ZNF800: variants seen among roughly 807,000 people sequenced by gnomAD.
ZNF800 encodes zinc finger protein 800.
Under a neutral mutation model 59.5 loss-of-function variants are expected in ZNF800, and 13 were observed. That is an observed-to-expected ratio of 0.22 (90% confidence interval 0.14 to 0.35). ZNF800 has a LOEUF of 0.35. Ranked by LOEUF, ZNF800 falls within the 10% of genes least tolerant of loss-of-function variation. ZNF800 has a pLI of 1.00. For synonymous variants in ZNF800, 266 were observed against 265.7 expected (o/e 1.00, Z -0.01); for missense variants, 621 against 783.7 (o/e 0.79, Z 2.48).
At chr7:127,372,689 AAC>A (rs965037523) in intron 5 of ZNF800, 1 of 985,128 alleles carries the variant, frequency 1.0e-6, no homozygotes. Context: ...AACAGTAACT[AAC>A]ACACACTCCC....
chr7:127,363,600 A>C (rs1025850623), intron 1 of ZNF800: 2 of 151,978 alleles, frequency 1.3e-5, no homozygotes, highest in African/African-American at 4.8e-5. Flanking sequence ...ACGGGGCACC[A>C]CAGAGACACA....
In ZNF800 at chr7:127,374,764, A is replaced by G; in HGVS notation, c.572T>C (p.Val191Ala). 1.9e-6 allele frequency: 3 copies of G among 1,613,908 alleles called. No individual in the cohort carries two copies. The highest frequency in any genetic ancestry group is 2.5e-6 in the Non-Finnish European group (3 of 1,179,916). The change falls in exon 5 of 6, where the codon GTA (valine) becomes GCA (alanine). Residue 191 changes from valine to alanine, a missense_variant. Physicochemically the swap from Val to Ala is moderately conservative, Grantham distance 64 (BLOSUM62 0). Around this residue, in one of 7 missense-constraint regions of ZNF800, gnomAD observed 218 missense variants for 230.8 expected, o/e 0.94. Coordinates refer to ENST00000265827, the MANE Select transcript of ZNF800 (RefSeq NM_176814.5). ...AACAATCTCAACAGGAGGGGGCTCT[A>G]CAGTTTCCACCTCTGTATCTGTAAC... ...VPVTDTEVETVEPPPVEIVTD... is the reference protein window; with the variant it reads ...VPVTDTEVETAEPPPVEIVTD...
chr7:127,350,455 T>C (rs1161717953), intron 1 of ZNF800: 1 of 152,238 alleles, frequency 6.6e-6, no homozygotes, highest in East Asian at 1.9e-4. Context: ...ATACTTCATC[T>C]TTGATAACCC....
rs894358473 is a variant in ZNF800 at position 127,381,837 on chromosome 7, C to T, written c.157+4223G>A. Among the ~76,000 whole-genome samples, 6 of 152,128 alleles carry T rather than the reference C, an allele frequency of 3.9e-5. No homozygotes were observed. In the South Asian group the frequency reaches 1.2e-3, roughly 32 times the overall value. ...TCTCCTATGTACCTCAGAAAAATCA[C>T]GTCCACCCTACGCTTTGCCTTCAGA... On this transcript the variant is annotated intron_variant, in intron 3 of 5. Coordinates refer to ENST00000265827, the MANE Select transcript of ZNF800 (RefSeq NM_176814.5).
intron 1 of ZNF800, among the ~76,000 whole-genome samples, chr7:127,358,987 A>G (rs1381199379): frequency 6.6e-6 from 1 of 152,156 alleles, no homozygotes; most frequent in East Asian, 1.9e-4. Flanking sequence ...GTATTTTTAA[A>G]TAATTTCTTT....
chr7:127,360,613 A>T (rs1192176325), intron 1 of ZNF800: 5 of 152,082 alleles, frequency 3.3e-5, no homozygotes, highest in Non-Finnish European at 5.9e-5. Flanking sequence ...TCACTAGCAC[A>T]TAATACTGCT....
chr7:127,370,991 T>C lies in ZNF800; in HGVS notation c.*823A>G, dbSNP rs986742225. ...ATGGATTGTCTGCATCCATAAAATA[T>C]CAGTAAGCTATTTATTACCTTCATA... On this transcript the variant is annotated 3_prime_UTR_variant, in exon 6 of 6. Coordinates refer to ENST00000265827, the MANE Select transcript of ZNF800 (RefSeq NM_176814.5). 6.6e-6 allele frequency: 1 copy of C among 152,596 alleles called. No individual in the cohort carries two copies. The highest frequency in any genetic ancestry group is 2.4e-5 in the African/African-American group (1 of 41,446). 9.5% of individuals were successfully genotyped at this position (152,596 alleles called of 1,614,324 possible).
chr7:127,377,115 G>A lies in ZNF800; in HGVS notation c.301+71C>T. On this transcript the variant is annotated intron_variant, in intron 4 of 5. Transcript: ENST00000265827. This position sits in a 1 kb window ranked among gnomAD's most constrained non-coding sequence, Gnocchi z 4.7. Reference sequence around the variant, plus strand: ...ATCAGTAACTAGATACAATTTTAATGCAAATGTATACTTGCAGTATAAGAA... The same window carrying A: ...ATCAGTAACTAGATACAATTTTAATACAAATGTATACTTGCAGTATAAGAA... 7.5e-7 allele frequency: 1 copy of A among 1,334,510 alleles called. No homozygotes were observed. Among genetic ancestry groups the A allele is most frequent in the Non-Finnish European group, 1.0e-6 (1 of 986,290 alleles). The allele number at this position is 1,334,510 out of a possible 1,614,324, so 82.7% of individuals were successfully genotyped here. A position where few individuals can be genotyped will look rare whatever the true frequency, so the allele number is the denominator to read the frequency against.
intron 5 of ZNF800, chr7:127,372,969 TAA>T: frequency 1.0e-6 from 1 of 985,210 alleles, no homozygotes; most frequent in Non-Finnish European, 1.2e-6. Context: ...ATTAGTAGAC[TAA>T]GTCACTGAAT....
At chr7:127,346,311 C>A (rs1800062717), downstream of ZNF800, among the ~76,000 whole-genome samples, 1 of 152,116 alleles carries the variant, frequency 6.6e-6, no homozygotes, top group South Asian at 2.1e-4. Context: ...ACAGTAGGAA[C>A]AACAGCACCA....
intron 3 of ZNF800, among the ~76,000 whole-genome samples, chr7:127,379,852 A>ACCCCCCCCCCCCCCCCCCCCC (rs1562907479): frequency 6.2e-5 from 1 of 16,164 alleles, no homozygotes. Context: ...CCACCCCCCC[A>ACCCCCCCCCCCCCCCCCCCCC]CCCCCCCCAC....
chr7:127,389,521 G>A (rs942236659), intron 2 of ZNF800, among the ~76,000 whole-genome samples: 5 of 152,056 alleles, frequency 3.3e-5, no homozygotes, highest in Non-Finnish European at 7.4e-5. Flanking sequence ...CTGTGGACAT[G>A]ATCTTTTAAA....
chr7:127,343,317 T>C (rs537971283), downstream of ZNF800, among the ~76,000 whole-genome samples: 4 of 150,840 alleles, frequency 2.7e-5, no homozygotes, highest in Admixed American at 6.6e-5. Context: ...GCAAGTCTAA[T>C]AAAAGAAAGG....
At chr7:127,373,085 C>A in intron 5 of ZNF800, 1 of 985,428 alleles carries the variant, frequency 1.0e-6, no homozygotes, top group Non-Finnish European at 1.2e-6. Context: ...AGCACTGACC[C>A]TGTGCCATCT....
Position 127,361,739 on chromosome 7 carries a change from T to C in ZNF800, n.224+11603A>G, listed in dbSNP as rs571937261. 129 of 152,248 alleles carry C rather than the reference T, an allele frequency of 8.5e-4. 1 individual carries two copies. The highest frequency in any genetic ancestry group is 2.3e-3 in the African/African-American group (95 of 41,562). The allele number at this position is 152,248 out of a possible 1,614,324, so 9.4% of individuals were successfully genotyped here. A position where few individuals can be genotyped will look rare whatever the true frequency, so the allele number is the denominator to read the frequency against. ...CTGAATAAATGAGTGAATGGAATTATATGTAAAGAAATTTAAAAGTCCAAT... is the reference window on the plus strand; with the variant it reads ...CTGAATAAATGAGTGAATGGAATTACATGTAAAGAAATTTAAAAGTCCAAT... On this transcript the variant is annotated intron_variant and non_coding_transcript_variant, in intron 1 of 1. Transcript: ENST00000485577.
chr7:127,354,120 G>A (rs370894028), intron 1 of ZNF800, among the ~76,000 whole-genome samples: 148 of 152,232 alleles, frequency 9.7e-4, no homozygotes, highest in Non-Finnish European at 1.9e-3. Context: ...GAAGGTAAAT[G>A]ATTTCCCTGA....
chr7:127,374,035 G>A lies in ZNF800; in HGVS notation c.1301C>T (p.Thr434Ile). The A allele has an allele frequency of 6.2e-7, 1 of 1,613,892 alleles. No homozygotes were observed. Among genetic ancestry groups the A allele is most frequent in the Non-Finnish European group, 8.5e-7 (1 of 1,179,980 alleles). Residue 434 changes from threonine (T) to isoleucine (I), a missense_variant, in exon 5 of 6, where the codon ACA (threonine) becomes ATA (isoleucine). Physicochemically the swap from Thr to Ile is moderately conservative, Grantham distance 89. This residue lies in a region of ZNF800 where 185 missense variants were observed against 177.6 expected (regional missense o/e 1.04). Coordinates refer to ENST00000265827, the MANE Select transcript of ZNF800 (RefSeq NM_176814.5). The part of the protein sequence containing the change: ...THSPQNELKG[T>I]NHSNEKKNTP... ...GTTCTTTTTTTCATTTGAATGATTT[G>A]TTCCCTTTAATTCATTCTGTGGAGA...
At chr7:127,348,435 A>C (rs1800111771) in intron 1 of ZNF800, among the ~76,000 whole-genome samples, 1 of 150,750 alleles carries the variant, frequency 6.6e-6, no homozygotes, top group African/African-American at 2.4e-5. Flanking sequence ...AAATGGCAAA[A>C]AAAAAAAAAA....
chr7:127,378,135 T>C (rs1800840381), intron 3 of ZNF800, among the ~76,000 whole-genome samples: 1 of 152,136 alleles, frequency 6.6e-6, no homozygotes, highest in South Asian at 2.1e-4. Flanking sequence ...CTATCTTATT[T>C]ACAAGTGTAA....
Sources: allele counts gnomAD v4.1 joint callset (sites outside exome capture counted in the v4.1 genomes callset), GRCh38; gene constraint gnomAD v4.1.1; regional missense constraint gnomAD v4.1.1; non-coding constraint Gnocchi (gnomAD v3.1); transcripts MANE v1.5; gene names NCBI Gene and HGNC (gene_info 2026-07-23, HGNC 2026-07-21).